CDK11B: variants seen among roughly 807,000 people sequenced by gnomAD.
CDK11B encodes the protein cyclin dependent kinase 11B, also known as cyclin-dependent kinase 11B.
CDK11B carries 37 observed loss-of-function variants against 84.0 expected under a neutral mutation model. The observed-to-expected ratio is 0.44, with a 90% CI of 0.34 to 0.58. The LOEUF (loss-of-function observed/expected upper bound fraction) is 0.58, where lower values mean the gene tolerates loss of function less well. Ranked by LOEUF, CDK11B falls within the 20% of genes least tolerant of loss-of-function variation. The pLI, the probability that CDK11B is intolerant of heterozygous loss-of-function variation, is 0.02. For synonymous variants in CDK11B, 269 were observed against 309.8 expected (o/e 0.87, Z 1.38); for missense variants, 427 against 834.0 (o/e 0.51, Z 6.01).
intron 3 of CDK11B, among the ~76,000 whole-genome samples, 185 bp from the exon 4 acceptor site, chr1:1,652,751 T>TA (rs1458305126): frequency 2.8e-4 from 43 of 152,230 alleles, no homozygotes; most frequent in Admixed American, 2.6e-3. Flanking sequence ...TTCTTTTTTT[T>TA]AGACAGTCTC....
chr1:1,654,962 T>G (rs1395178250), intron 3 of CDK11B, among the ~76,000 whole-genome samples: 1 of 152,084 alleles, frequency 6.6e-6, no homozygotes, highest in Non-Finnish European at 1.5e-5. Context: ...CCGGCCTTTT[T>G]TTCCTTTTAA....
At chr1:1,649,354 G>A in intron 5 of CDK11B, 145 bp downstream of exon 5, 1 of 601,538 alleles carries the variant, frequency 1.7e-6, no homozygotes, top group East Asian at 2.9e-5. Flanking sequence ...GCCCACCTCG[G>A]CCTCCCAAAG....
Position 1,649,644 on chromosome 1 carries a change from A to T in CDK11B, c.356-7T>A. 1 of 1,609,848 alleles carries T rather than the reference A, an allele frequency of 6.2e-7. No individual in the cohort carries two copies. Among genetic ancestry groups the T allele is most frequent in the South Asian group, 1.1e-5 (1 of 90,950 alleles). On this transcript the variant is annotated splice_polypyrimidine_tract_variant and splice_region_variant and intron_variant, in intron 4 of 19. Coordinates refer to ENST00000341832, the MANE Select transcript of CDK11B (RefSeq NM_033486.3). ...TTCACTCTAGCATGCTTCCCTAATG[A>T]GAAATAAAGTGTCATGCAAAGAAAC... is the stretch of plus-strand genomic sequence containing the variant.
intron 6 of CDK11B, among the ~76,000 whole-genome samples, chr1:1,644,729 C>T (rs1444547607): frequency 1.3e-5 from 2 of 152,304 alleles, no homozygotes; most frequent in South Asian, 2.1e-4. Flanking sequence ...CGGTGGCTCA[C>T]GCCTGTAATC....
chr1:1,657,423 T>C lies in CDK11B; in HGVS notation c.63A>G (p.Lys21=). The change falls in exon 2 of 20, where the codon AAA becomes AAG. Residue 21 remains lysine, a synonymous_variant. Transcript: ENST00000341832. ...KTLDEILQEK[K]RRKEQEEKAE... is the part of the protein sequence containing the mutation. ...CTTTCTCCTCTTGTTCCTTCCTTCG[T>C]TTCTTTTCCTGAAGAATTTCATCTA... is the stretch of plus-strand genomic sequence containing the variant. 6.4e-7 allele frequency: 1 copy of C among 1,563,740 alleles called. No individual in the cohort carries two copies. Among genetic ancestry groups the C allele is most frequent in the Non-Finnish European group, 8.7e-7 (1 of 1,154,910 alleles).
At chr1:1,650,083 AC>A (rs1641743353) in intron 4 of CDK11B, among the ~76,000 whole-genome samples, 1 of 151,390 alleles carries the variant, frequency 6.6e-6, no homozygotes. Flanking sequence ...ATCCTGGCTA[AC>A]ACGGTGAAAC....
chr1:1,637,012 G>C lies in CDK11B; in HGVS notation c.1693-8C>G, dbSNP rs373597943. The C allele has an allele frequency of 3.1e-6, 5 of 1,612,784 alleles. No individual in the cohort carries two copies. The African/African-American group carries it at 6.7e-5, about 22-fold the overall frequency. On this transcript the variant is annotated splice_region_variant and splice_polypyrimidine_tract_variant and intron_variant, in intron 15 of 19. Transcript: ENST00000341832. ...CAGCCCGAAGTCACCCACCTGCAAC[G>C]ACAGATGGGCGGCTGTGAGTGGGCC...
chr1:1,636,506 G>C, intron 17 of CDK11B, 25 bp from the exon 18 acceptor site: 1 of 1,605,108 alleles, frequency 6.2e-7, no homozygotes, highest in Non-Finnish European at 8.5e-7. Flanking sequence ...TGCTTCAACA[G>C]CCACACCAAG....
At chr1:1,657,926 AG>A (rs1642982507) in intron 1 of CDK11B, among the ~76,000 whole-genome samples, 1 of 113,342 alleles carries the variant, frequency 8.8e-6, no homozygotes, top group Non-Finnish European at 1.7e-5. Context: ...AAAAAAAAAA[AG>A]TAAGCTCTAG....
chr1:1,639,554 C>G (rs757149493), intron 11 of CDK11B, among the ~76,000 whole-genome samples: 2 of 151,938 alleles, frequency 1.3e-5, no homozygotes, highest in Non-Finnish European at 2.9e-5. Flanking sequence ...CCTCCGTGTA[C>G]CTTGGGGCCG....
rs1261152986 is a variant in CDK11B at position 1,641,127 on chromosome 1, G to T, written c.1010-14C>A. 2 of 1,567,900 alleles carry T rather than the reference G, an allele frequency of 1.3e-6. No homozygotes were observed. The highest frequency in any genetic ancestry group is 1.7e-6 in the Non-Finnish European group (2 of 1,149,652). The stretch of plus-strand genomic sequence containing the variant: ...CACTTACTTCTTCTGCAAGAGAAAG[G>T]AGGCGTCTGCTCAGACCAGCACCGG... On this transcript the variant is annotated splice_polypyrimidine_tract_variant and intron_variant, in intron 9 of 19. Coordinates refer to ENST00000341832, the MANE Select transcript of CDK11B (RefSeq NM_033486.3).
chr1:1,653,585 T>C lies in CDK11B; in HGVS notation c.228-1019A>G, dbSNP rs185187857. On this transcript the variant is annotated intron_variant, in intron 3 of 19. Transcript: ENST00000341832. ...ATCCACCTGCCTCAGTCTCTCAAAG[T>C]GTTGGGATTACAGGCGCGAGCTACT... Among the ~76,000 whole-genome samples the C allele has an allele frequency of 5.8e-4, 88 of 152,112 alleles. No individual in the cohort carries two copies. In the East Asian group the frequency reaches 0.015, roughly 27 times the overall value.
chr1:1,640,798 T>TC (rs1640171651), intron 10 of CDK11B, among the ~76,000 whole-genome samples: 1 of 152,158 alleles, frequency 6.6e-6, no homozygotes, highest in Non-Finnish European at 1.5e-5. Flanking sequence ...CTGACGGGCC[T>TC]CCCCTGTGGG....
chr1:1,654,727 T>C (rs1310914235), intron 3 of CDK11B, among the ~76,000 whole-genome samples: 3 of 151,840 alleles, frequency 2.0e-5, no homozygotes, highest in Non-Finnish European at 2.9e-5. Context: ...GACATGATCT[T>C]GTCTCACTGC....
In CDK11B at chr1:1,636,671, G is replaced by T; in HGVS notation, c.1917+11C>A. The T allele has an allele frequency of 6.2e-7, 1 of 1,613,848 alleles. No homozygotes were observed. ...AACCCCACAGCGCACCTGCAGCAGG[G>T]CCAGACCCACCTTGAACACCTTGTT... On this transcript the variant is annotated intron_variant, in intron 17 of 19. Coordinates refer to ENST00000341832, the MANE Select transcript of CDK11B (RefSeq NM_033486.3).
In CDK11B at chr1:1,640,792, C is replaced by T. The variant is rs901026165; in HGVS notation, c.1075+256G>A. 8.5e-5 allele frequency among the ~76,000 whole-genome samples: 13 copies of T among 152,330 alleles called. No individual in the cohort carries two copies. The East Asian group carries it at 2.3e-3, about 27-fold the overall frequency. ...GGACAGGCCCGGAGCCACCATCTGA[C>T]GGGCCTCCCCTGTGGGGAACTGGTC... On this transcript the variant is annotated intron_variant, in intron 10 of 19. Transcript: ENST00000341832.
chr1:1,637,264 G>A, intron 14 of CDK11B, 62 bp from the exon 15 acceptor site: 2 of 1,596,884 alleles, frequency 1.3e-6, no homozygotes, highest in Non-Finnish European at 8.5e-7. Context: ...ACTCAGGGTG[G>A]CCCACTCGCC....
At chr1:1,636,837 C>T (rs377480613) in intron 16 of CDK11B, 39 bp from the exon 17 acceptor site, 17 of 1,613,210 alleles carry the variant, frequency 1.1e-5, no homozygotes, top group South Asian at 5.5e-5. Context: ...GGCCAGTGCC[C>T]GCGAAGCTGT....
chr1:1,637,162 C>T lies in CDK11B; in HGVS notation c.1611G>A (p.Val537=). The change falls in exon 15 of 20, where the codon GTG becomes GTA. Residue 537 remains valine, a synonymous_variant. Transcript: ENST00000341832. The stretch of plus-strand genomic sequence containing the variant: ...GGATCCAGTTGTCGTGCAGGTGTTT[C>T]ACCCCACGCAGCAGCTGGATCATCA... The part of the protein sequence containing the change: ...KTLMIQLLRG[V]KHLHDNWILH... 6.2e-7 allele frequency: 1 copy of T among 1,613,640 alleles called. No individual in the cohort carries two copies. The highest frequency in any genetic ancestry group is 8.5e-7 in the Non-Finnish European group (1 of 1,179,864).
Sources: allele counts gnomAD v4.1 joint callset (sites outside exome capture counted in the v4.1 genomes callset), GRCh38; gene constraint gnomAD v4.1.1; transcripts MANE v1.5; gene names NCBI Gene and HGNC (gene_info 2026-07-23, HGNC 2026-07-21).